Variants in ATP2B4 observed in about 807,000 individuals in gnomAD.
The protein encoded by ATP2B4 is plasma membrane calcium-transporting ATPase 4.
In ATP2B4, 39 loss-of-function variants were observed where a neutral mutation model predicts 110.3. That is an observed-to-expected ratio of 0.35 (90% CI 0.27 to 0.46). The LOEUF is 0.46. Among genes scored for constraint, ATP2B4 ranks in the 20% least tolerant of loss-of-function variants. The pLI is 1.00. For synonymous variants in ATP2B4, 538 were observed against 571.7 expected, an observed-to-expected ratio of 0.94 and a Z score of 0.84; for missense variants, 1,135 against 1,530.9, an observed-to-expected ratio of 0.74 and a Z score of 4.32.
chr1:203,650,586 G>A (rs1663953114), intron 1 of ATP2B4, among the ~76,000 whole-genome samples: 1 of 152,206 alleles, frequency 6.6e-6, no homozygotes, highest in African/African-American at 2.4e-5. Context: ...CGGCGCCTGC[G>A]GCTGAGTTGC....
At chr1:203,692,126 C>T (rs879627861) in intron 2 of ATP2B4, among the ~76,000 whole-genome samples, 11 of 151,876 alleles carry the variant, frequency 7.2e-5, no homozygotes, top group Non-Finnish European at 1.2e-4. Context: ...ATGATCCGCC[C>T]GCCTCGGCCT....
intron 15 of ATP2B4, among the ~76,000 whole-genome samples, chr1:203,717,975 A>G (rs1304131369): frequency 6.6e-6 from 1 of 152,016 alleles, no homozygotes; most frequent in Non-Finnish European, 1.5e-5. Flanking sequence ...TGGGAGGCCA[A>G]GGGGGAAGGA....
intron 16 of ATP2B4, 100 bp downstream of exon 16, chr1:203,720,840 G>A (rs557185114): frequency 1.0e-4 from 142 of 1,359,304 alleles, no homozygotes; most frequent in South Asian, 2.4e-4. Flanking sequence ...TAAAGACAGC[G>A]TTTCCCCATG....
chr1:203,703,712 A>G lies in ATP2B4; in HGVS notation c.998A>G (p.Asp333Gly), dbSNP rs554381106. 8 of 1,614,192 alleles carry G rather than the reference A, an allele frequency of 5.0e-6. No individual in the cohort carries two copies. In the Admixed American group the frequency reaches 1.2e-4, roughly 24 times the overall value. Residue 333 changes from aspartate to glycine, a missense_variant, in exon 8 of 21, where the codon GAC becomes GGC. Physicochemically the swap from Asp to Gly is moderately conservative, Grantham distance 94. This residue lies in a region of ATP2B4 where 162 missense variants were observed against 210.5 expected (regional missense o/e 0.77). Transcript: ENST00000357681. ...CCACTCAACAGCCAGGAGGGAATCG[A>G]CAATGAGGAAAAGGACAAGAAGGCA... ...IQPLNSQEGI[D>G]NEEKDKKAVK... is the part of the protein sequence containing the mutation.
At chr1:203,636,907 A>G (rs569422325) in intron 1 of ATP2B4, among the ~76,000 whole-genome samples, 2 of 152,352 alleles carry the variant, frequency 1.3e-5, no homozygotes, top group South Asian at 4.1e-4. Flanking sequence ...GCCAAAAAGC[A>G]TATGGCTTTG....
chr1:203,728,345 G>A (rs1315944639), intron 20 of ATP2B4: 2 of 353,494 alleles, frequency 5.7e-6, no homozygotes, highest in East Asian at 1.6e-4. Flanking sequence ...TCTCCTGGGT[G>A]AATGCGCTGA....
At chr1:203,696,657 G>A (rs548657167) in intron 2 of ATP2B4, among the ~76,000 whole-genome samples, 1 of 152,312 alleles carries the variant, frequency 6.6e-6, no homozygotes, top group East Asian at 1.9e-4. Flanking sequence ...CCCACCTGGG[G>A]ACCCATGAAA....
chr1:203,653,960 A>AATATATATATAT (rs376712958), intron 1 of ATP2B4, among the ~76,000 whole-genome samples: 6 of 132,446 alleles, frequency 4.5e-5, no homozygotes, highest in African/African-American at 1.7e-4. Flanking sequence ...TGGTTTGCCA[A>AATATATATATAT]ATATATATAT....
At chr1:203,727,055 T>C (rs1024136054) in intron 19 of ATP2B4, among the ~76,000 whole-genome samples, 3 of 152,216 alleles carry the variant, frequency 2.0e-5, no homozygotes, top group African/African-American at 7.2e-5. Flanking sequence ...TGTATAGTTC[T>C]GTTAACCTTA....
At chr1:203,660,097 A>AAAGAAAG (rs1553245084) in intron 1 of ATP2B4, among the ~76,000 whole-genome samples, 20 of 120,654 alleles carry the variant, frequency 1.7e-4, no homozygotes, top group African/African-American at 5.8e-4. Flanking sequence ...AAAAAAAAAA[A>AAAGAAAG]AAAGAAAGAA....
At chr1:203,673,152 G>C (rs1471330512) in intron 1 of ATP2B4, among the ~76,000 whole-genome samples, 4 of 152,170 alleles carry the variant, frequency 2.6e-5, no homozygotes, top group African/African-American at 9.7e-5. Flanking sequence ...TTCAAAGTGT[G>C]GTCCCCAGAC....
rs552559558 is a variant in ATP2B4 at position 203,627,577 on chromosome 1, T to C, written c.-465+358T>C. ...AACCCATTCCGTTCCTGCCCTCCCCTTCCCCCCTTGGCTTGGGAATGAGAC... is the reference window on the plus strand; with the variant it reads ...AACCCATTCCGTTCCTGCCCTCCCCCTCCCCCCTTGGCTTGGGAATGAGAC... On this transcript the variant is annotated intron_variant, in intron 1 of 20. Transcript: ENST00000357681. 3.0e-4 allele frequency among the ~76,000 whole-genome samples: 46 copies of C among 151,966 alleles called. 1 individual carries two copies. In the East Asian group the frequency reaches 8.1e-3, roughly 27 times the overall value.
At chr1:203,649,512 T>A (rs897596151) in intron 1 of ATP2B4, among the ~76,000 whole-genome samples, 2 of 152,190 alleles carry the variant, frequency 1.3e-5, no homozygotes, top group African/African-American at 4.8e-5. Flanking sequence ...GCGTAGTGGT[T>A]CACGCCTATA....
chr1:203,723,457 T>TCTCCCTCTCCCTCC (rs1666406652), intron 18 of ATP2B4, among the ~76,000 whole-genome samples: 1 of 113,502 alleles, frequency 8.8e-6, no homozygotes, highest in African/African-American at 3.9e-5. Flanking sequence ...TCTCTCTCTC[T>TCTCCCTCTCCCTCC]CTCCCTCTGC....
At chr1:203,729,560 AAAG>A (rs749168836) in intron 20 of ATP2B4, 17 of 449,798 alleles carry the variant, frequency 3.8e-5, no homozygotes, top group African/African-American at 1.0e-4. Context: ...AAAAAAAAAA[AAAG>A]AAGAAGAAAA....
At chr1:203,677,393 G>A (rs756187061) in intron 1 of ATP2B4, among the ~76,000 whole-genome samples, 57 of 152,080 alleles carry the variant, frequency 3.7e-4, no homozygotes, top group Non-Finnish European at 7.4e-4. Context: ...GTAGAGCCTC[G>A]CTTGGAATGA....
At chr1:203,725,732 G>A (rs1006423539) in intron 19 of ATP2B4, among the ~76,000 whole-genome samples, 1 of 151,768 alleles carries the variant, frequency 6.6e-6, no homozygotes, top group African/African-American at 2.4e-5. Flanking sequence ...CAGACCCCAG[G>A]TCTCTGCAGA....
At chr1:203,649,929 G>T (rs1376655284) in intron 1 of ATP2B4, among the ~76,000 whole-genome samples, 1 of 152,226 alleles carries the variant, frequency 6.6e-6, no homozygotes, top group East Asian at 1.9e-4. Flanking sequence ...ACGCTAAGTA[G>T]GGTGTGCTCC....
At chr1:203,722,841 T>C (rs1666378702) in intron 18 of ATP2B4, 152 bp downstream of exon 18, 2 of 726,292 alleles carry the variant, frequency 2.8e-6, no homozygotes, top group East Asian at 5.4e-5. Flanking sequence ...CAATCTGCTT[T>C]CTTTTGCATA....
Sources: allele counts gnomAD v4.1 joint callset (sites outside exome capture counted in the v4.1 genomes callset), GRCh38; gene constraint gnomAD v4.1.1; regional missense constraint gnomAD v4.1.1; transcripts MANE v1.5; gene names NCBI Gene and HGNC (gene_info 2026-07-23, HGNC 2026-07-21).